Variants in FAF2 observed in about 807,000 individuals in gnomAD.
FAF2 encodes the protein Fas associated factor family member 2.
In FAF2, 9 loss-of-function variants were observed where a neutral mutation model predicts 62.3. The ratio of observed to expected loss-of-function variants is 0.14; its 90% CI spans 0.09 to 0.25. FAF2 has a LOEUF of 0.25. FAF2 is among the 10% of genes least tolerant of loss of function. The probability of loss-of-function intolerance (pLI) is 1.00; values close to 1 mark genes in which losing one functional copy is unlikely to be tolerated. For synonymous variants in FAF2, 202 were observed against 198.0 expected (o/e 1.02, Z -0.17); for missense variants, 368 against 556.2 (o/e 0.66, Z 3.40).
Position 176,457,572 on chromosome 5 carries a change from C to T in FAF2, c.63+9102C>T, listed in dbSNP as rs552842461. On this transcript the variant is annotated intron_variant, in intron 1 of 10. Transcript: ENST00000261942. ...TCAAGGATTCTAGTTGTCGTTTCTC[C>T]AACATTGTATTTTTGCTTAAAATTA... 3.3e-5 allele frequency among the ~76,000 whole-genome samples: 5 copies of T among 151,992 alleles called. No individual in the cohort carries two copies. The South Asian group carries it at 1.0e-3, about 32-fold the overall frequency.
chr5:176,501,020 G>C (rs941089080), intron 10 of FAF2, among the ~76,000 whole-genome samples: 1 of 151,962 alleles, frequency 6.6e-6, no homozygotes. Flanking sequence ...CCAGCTACTC[G>C]GGAGGCTGAG....
intron 1 of FAF2, among the ~76,000 whole-genome samples, chr5:176,460,499 A>T (rs1758358229): frequency 7.4e-6 from 1 of 135,284 alleles, no homozygotes; most frequent in Non-Finnish European, 1.6e-5. Flanking sequence ...AGTGATGTTG[A>T]CTATTTTTGG....
chr5:176,454,004 C>T (rs1055078297), intron 1 of FAF2, among the ~76,000 whole-genome samples: 1 of 151,306 alleles, frequency 6.6e-6, no homozygotes, highest in Admixed American at 6.6e-5. Flanking sequence ...TGCAGTGATC[C>T]GAGACCGCAC....
chr5:176,500,755 TC>T (rs1201702006), intron 10 of FAF2, among the ~76,000 whole-genome samples: 1 of 152,114 alleles, frequency 6.6e-6, no homozygotes, highest in Non-Finnish European at 1.5e-5. Context: ...TTTTCATTCT[TC>T]CAGGGTTACT....
At chr5:176,476,804 A>ATT (rs749952460) in intron 1 of FAF2, among the ~76,000 whole-genome samples, 959 of 92,816 alleles carry the variant, frequency 0.01, 37 homozygotes, top group African/African-American at 0.033. Context: ...TGCTGAACTA[A>ATT]TTTTTTTTTT....
chr5:176,501,836 C>T (rs149896306), intron 10 of FAF2, among the ~76,000 whole-genome samples: 10 of 152,302 alleles, frequency 6.6e-5, no homozygotes, highest in Non-Finnish European at 1.5e-4. Context: ...TCGCTGCAAC[C>T]TCTGCCTCCT....
intron 1 of FAF2, among the ~76,000 whole-genome samples, chr5:176,461,588 C>T (rs911928912): frequency 6.6e-6 from 1 of 151,664 alleles, no homozygotes; most frequent in Non-Finnish European, 1.5e-5. Context: ...TTGGCCTCCC[C>T]TAGTGATGGG....
intron 1 of FAF2, among the ~76,000 whole-genome samples, chr5:176,466,352 A>G (rs1561817790): frequency 6.6e-6 from 1 of 152,228 alleles, no homozygotes; most frequent in Non-Finnish European, 1.5e-5. Context: ...TCTCTCTGGG[A>G]ATAACTGAAA....
chr5:176,507,607 A>C lies in FAF2; in HGVS notation c.*657A>C, dbSNP rs999448818. On this transcript the variant is annotated 3_prime_UTR_variant, in exon 11 of 11. Coordinates refer to ENST00000261942, the MANE Select transcript of FAF2 (RefSeq NM_014613.3). ...TGGGCTCCTTAGCCCACAATAGTGT[A>C]ATAAAAGTGCCCCGGGCTGGTTTGT... 1 of 153,736 alleles carries C rather than the reference A, an allele frequency of 6.5e-6. No individual in the cohort carries two copies. The highest frequency in any genetic ancestry group is 2.4e-5 in the African/African-American group (1 of 41,388). 9.5% of individuals were successfully genotyped at this position (153,736 alleles called of 1,614,324 possible). A position where few individuals can be genotyped will look rare whatever the true frequency, so the allele number is the denominator to read the frequency against.
chr5:176,473,642 G>T (rs1758612581), intron 1 of FAF2, among the ~76,000 whole-genome samples: 1 of 152,186 alleles, frequency 6.6e-6, no homozygotes. Flanking sequence ...GAATTCTTCT[G>T]CACAGGATAT....
intron 8 of FAF2, 146 bp downstream of exon 8, chr5:176,496,809 C>A: frequency 1.8e-6 from 1 of 545,742 alleles, no homozygotes; most frequent in Non-Finnish European, 3.0e-6. Context: ...AAAATATTTA[C>A]ATACTTTGAC....
rs567587892 is a variant in FAF2, at chr5:176,481,824, G to A, written c.132+2568G>A. ...CCACGCTACCACACCGGGCCCTAGC[G>A]TTCAAGCTCTTGTGTGAATATGTGT... On this transcript the variant is annotated intron_variant, in intron 2 of 10. Coordinates refer to ENST00000261942, the MANE Select transcript of FAF2 (RefSeq NM_014613.3). Among the ~76,000 whole-genome samples, 6 of 152,274 alleles carry A rather than the reference G, an allele frequency of 3.9e-5. No individual in the cohort carries two copies. In the East Asian group the frequency reaches 7.8e-4, roughly 20 times the overall value.
rs115653033 is a variant in FAF2, at chr5:176,493,919, G to A, written c.484-80G>A. The A allele has an allele frequency of 1.6e-3, 1,436 of 909,318 alleles. 19 individuals carry two copies. The African/African-American group carries it at 0.021, about 14-fold the overall frequency. 56.3% of individuals were successfully genotyped at this position (909,318 alleles called of 1,614,324 possible). ...TCCTTTTGTTCCTAAATACATAACT[G>A]TATCCATTAGGACCCTTAGCTTAAA... On this transcript the variant is annotated intron_variant, in intron 5 of 10. Transcript: ENST00000261942.
intron 1 of FAF2, among the ~76,000 whole-genome samples, chr5:176,456,563 T>C (rs551084973): frequency 1.8e-5 from 1 of 56,648 alleles, no homozygotes; most frequent in South Asian, 5.4e-4. Flanking sequence ...TCTCCTGAGC[T>C]CAAGCAGTCC....
chr5:176,482,503 C>T (rs539377043), intron 2 of FAF2, among the ~76,000 whole-genome samples: 3 of 152,038 alleles, frequency 2.0e-5, no homozygotes, highest in South Asian at 4.2e-4. Context: ...GTAAGCACTG[C>T]GTCTGGCCAG....
At chr5:176,490,049 C>T (rs998820810) in intron 4 of FAF2, among the ~76,000 whole-genome samples, 4 of 151,960 alleles carry the variant, frequency 2.6e-5, no homozygotes, top group Admixed American at 6.6e-5. Context: ...CTGTGGCTCA[C>T]GCCTGTAATC....
At position 176,509,375 on chromosome 5, in the gene FAF2, G is replaced by A. The variant is rs1015144212; in HGVS notation, c.*2425G>A. ...CGAGGGAGAAGACACTGAGAAGCCA[G>A]TGATCTGCAAGCATTTGCTCTTGTT... On this transcript the variant is annotated 3_prime_UTR_variant, in exon 11 of 11. Coordinates refer to ENST00000261942, the MANE Select transcript of FAF2 (RefSeq NM_014613.3). 1 of 152,248 alleles carries A rather than the reference G, an allele frequency of 6.6e-6. No homozygotes were observed. Among genetic ancestry groups the A allele is most frequent in the Non-Finnish European group, 1.5e-5 (1 of 68,044 alleles). The allele number at this position is 152,248 out of a possible 1,614,324, so 9.4% of individuals were successfully genotyped here. A position where few individuals can be genotyped will look rare whatever the true frequency, so the allele number is the denominator to read the frequency against.
intron 1 of FAF2, among the ~76,000 whole-genome samples, chr5:176,449,847 G>C (rs1258524696): frequency 6.6e-6 from 1 of 152,164 alleles, no homozygotes; most frequent in Non-Finnish European, 1.5e-5. Flanking sequence ...TAAACACTTA[G>C]CATACATAAC....
intron 1 of FAF2, among the ~76,000 whole-genome samples, chr5:176,468,755 G>A (rs1380813749): frequency 2.0e-5 from 3 of 151,352 alleles, no homozygotes; most frequent in African/African-American, 7.3e-5. Context: ...GCAACATAGT[G>A]GGACCCCACC....
Sources: gnomAD v4.1 joint callset for allele counts (sites outside exome capture counted in the v4.1 genomes callset) on GRCh38, gnomAD v4.1.1 for gene constraint, MANE v1.5 for transcripts, NCBI Gene and HGNC (gene_info 2026-07-23, HGNC 2026-07-21) for gene names.